The following KHDRBS2 variants were observed in gnomAD, a reference collection of about 807,000 sequenced individuals.
The protein encoded by KHDRBS2 is KH domain-containing, RNA-binding, signal transduction-associated protein 2.
In KHDRBS2, 26 loss-of-function variants were observed where a neutral mutation model predicts 44.3. The observed-to-expected ratio is 0.59, with a 90% CI of 0.43 to 0.81. The LOEUF is 0.81. KHDRBS2 is among the 40% of genes least tolerant of loss of function. The pLI is 0.00. For missense variants in KHDRBS2, 476 were observed against 433.1 expected (o/e 1.10, Z -0.88); for synonymous variants, 194 against 151.1 (o/e 1.28, Z -2.08).
At chr6:61,668,682 ACTAT>A in the KHDRBS2 span, among the ~76,000 whole-genome samples, 1 of 151,086 alleles carries the variant, frequency 6.6e-6, no homozygotes, top group Non-Finnish European at 1.5e-5. Flanking sequence ...TTTTCACATT[ACTAT>A]CTGTTTAATC....
chr6:61,843,247 A>C (rs751487520), intron 6 of KHDRBS2, among the ~76,000 whole-genome samples: 3 of 151,920 alleles, frequency 2.0e-5, no homozygotes, highest in Non-Finnish European at 2.9e-5. Flanking sequence ...CTCTGGAATT[A>C]GATTTTGGTG....
At chr6:61,784,202 A>T (rs1243863113) in intron 6 of KHDRBS2, among the ~76,000 whole-genome samples, 1 of 151,740 alleles carries the variant, frequency 6.6e-6, no homozygotes, top group Admixed American at 6.6e-5. Context: ...ATTCCTAAAA[A>T]TTTTTAGTAT....
chr6:62,032,374 T>A (rs1784499517), intron 3 of KHDRBS2, among the ~76,000 whole-genome samples: 1 of 151,952 alleles, frequency 6.6e-6, no homozygotes, highest in African/African-American at 2.4e-5. Context: ...TGTATCCTTC[T>A]CCCATGCTGG....
chr6:61,578,465 T>C, the KHDRBS2 span, among the ~76,000 whole-genome samples: 4 of 152,142 alleles, frequency 2.6e-5, no homozygotes, highest in Non-Finnish European at 5.9e-5. Flanking sequence ...AGTCTCTAGT[T>C]TATTAGGTCA....
At chr6:62,142,974 A>G (rs1425801119) in intron 2 of KHDRBS2, among the ~76,000 whole-genome samples, 1 of 151,814 alleles carries the variant, frequency 6.6e-6, no homozygotes, top group Admixed American at 6.6e-5. Flanking sequence ...CAAAGATATC[A>G]TATATACTGG....
intron 4 of KHDRBS2, among the ~76,000 whole-genome samples, chr6:61,919,503 T>C (rs1194483979): frequency 6.6e-6 from 1 of 151,866 alleles, no homozygotes; most frequent in African/African-American, 2.4e-5. Context: ...AATGTCACAA[T>C]CATTTTTGTA....
chr6:61,810,707 A>C (rs1394606510), intron 6 of KHDRBS2, among the ~76,000 whole-genome samples: 2 of 152,106 alleles, frequency 1.3e-5, no homozygotes, highest in African/African-American at 4.8e-5. Flanking sequence ...CTTCAGGTAC[A>C]AAACTCTTAT....
intron 4 of KHDRBS2, among the ~76,000 whole-genome samples, chr6:61,945,751 C>A (rs991262411): frequency 6.6e-6 from 1 of 150,656 alleles, no homozygotes; most frequent in African/African-American, 2.4e-5. Flanking sequence ...TAATTGAGAC[C>A]GTCAAGCAAA....
intron 4 of KHDRBS2, among the ~76,000 whole-genome samples, chr6:61,913,106 T>C (rs1562429179): frequency 1.3e-5 from 2 of 152,134 alleles, no homozygotes. Flanking sequence ...TTATTCGTTT[T>C]TAAAATTCAT....
intron 2 of KHDRBS2, among the ~76,000 whole-genome samples, chr6:62,112,805 A>T (rs1805313407): frequency 6.6e-6 from 1 of 152,150 alleles, no homozygotes; most frequent in South Asian, 2.1e-4. Context: ...GCGATATAAT[A>T]TTGTTAGAAT....
intron 6 of KHDRBS2, among the ~76,000 whole-genome samples, chr6:61,801,772 T>C (rs1428401304): frequency 6.6e-6 from 1 of 152,182 alleles, no homozygotes; most frequent in East Asian, 1.9e-4. Context: ...GGGATAATAT[T>C]AAGACAGCCC....
chr6:61,952,534 G>C (rs1486965483), intron 4 of KHDRBS2, among the ~76,000 whole-genome samples: 1 of 151,904 alleles, frequency 6.6e-6, no homozygotes, highest in Non-Finnish European at 1.5e-5. Context: ...AGTAATTGTT[G>C]GTTTTTTGCA....
At chr6:61,918,334 T>C (rs890893889) in intron 4 of KHDRBS2, among the ~76,000 whole-genome samples, 6 of 151,932 alleles carry the variant, frequency 3.9e-5, no homozygotes, top group Non-Finnish European at 7.4e-5. Flanking sequence ...TAAGGGACTA[T>C]GCTATTGGCT....
the KHDRBS2 span, among the ~76,000 whole-genome samples, chr6:61,556,002 G>T: frequency 6.6e-6 from 1 of 152,226 alleles, no homozygotes; most frequent in African/African-American, 2.4e-5. Flanking sequence ...GTTTGCACAT[G>T]CCAGCTGCAG....
At chr6:61,874,386 C>T (rs1342880367) in intron 6 of KHDRBS2, among the ~76,000 whole-genome samples, 2 of 152,074 alleles carry the variant, frequency 1.3e-5, no homozygotes, top group African/African-American at 2.4e-5. Context: ...GCTAGCAGAA[C>T]AAGCACAAAA....
chr6:62,199,183 A>C (rs1826351583), intron 1 of KHDRBS2, among the ~76,000 whole-genome samples: 1 of 152,172 alleles, frequency 6.6e-6, no homozygotes. Flanking sequence ...GGCACAAGAC[A>C]TGGAGGCCCT....
At chr6:61,922,153 G>A (rs1426562499) in intron 4 of KHDRBS2, among the ~76,000 whole-genome samples, 2 of 151,922 alleles carry the variant, frequency 1.3e-5, no homozygotes, top group African/African-American at 4.8e-5. Flanking sequence ...TTCCAGTCAA[G>A]ATGGAGTAAC....
intron 7 of KHDRBS2, among the ~76,000 whole-genome samples, chr6:61,716,997 G>A (rs1288347894): frequency 6.6e-6 from 1 of 152,030 alleles, no homozygotes; most frequent in Non-Finnish European, 1.5e-5. Flanking sequence ...ATGTTGACAT[G>A]CCTTGATCTC....
At chr6:61,604,621 C>G in the KHDRBS2 span, among the ~76,000 whole-genome samples, 2 of 152,188 alleles carry the variant, frequency 1.3e-5, no homozygotes, top group East Asian at 3.9e-4. Flanking sequence ...TCAAGGAAAT[C>G]ACTTCTCAGT....
Sources: allele counts gnomAD v4.1 joint callset (sites outside exome capture counted in the v4.1 genomes callset), GRCh38; gene constraint gnomAD v4.1.1; transcripts MANE v1.5; gene names NCBI Gene and HGNC (gene_info 2026-07-23, HGNC 2026-07-21).